The following SEMA3A variants were observed in gnomAD, a reference collection of about 807,000 sequenced individuals.
SEMA3A encodes semaphorin-3A.
Under a neutral mutation model 97.9 loss-of-function variants are expected in SEMA3A, and 29 were observed. That is an observed-to-expected ratio of 0.30 (90% CI 0.22 to 0.40). The LOEUF (loss-of-function observed/expected upper bound fraction) is 0.40, where lower values mean the gene tolerates loss of function less well. Among genes scored for constraint, SEMA3A ranks in the 10% least tolerant of loss-of-function variants. The pLI, the probability that SEMA3A is intolerant of heterozygous loss-of-function variation, is 1.00. For missense variants in SEMA3A, 763 were observed against 951.3 expected (o/e 0.80, Z 2.60); for synonymous variants, 321 against 323.7 (o/e 0.99, Z 0.09).
At chr7:84,175,589 G>A (rs2116219355) in intron 1 of SEMA3A, among the ~76,000 whole-genome samples, 1 of 152,276 alleles carries the variant, frequency 6.6e-6, no homozygotes, top group East Asian at 1.9e-4. Context: ...TCTAGGGTTG[G>A]AAAGGGGAAT....
chr7:84,297,597 T>C (rs1800903447), intron 3 of SEMA3A, among the ~76,000 whole-genome samples: 1 of 152,184 alleles, frequency 6.6e-6, no homozygotes, highest in Non-Finnish European at 1.5e-5. Context: ...CTTTGTGCAA[T>C]GATCTACAAG....
intron 3 of SEMA3A, among the ~76,000 whole-genome samples, chr7:84,217,605 G>T (rs915530834): frequency 6.6e-6 from 1 of 152,042 alleles, no homozygotes; most frequent in African/African-American, 2.4e-5. Flanking sequence ...GAATAGGAGG[G>T]CAGAAATAAG....
intron 2 of SEMA3A, among the ~76,000 whole-genome samples, chr7:84,313,356 G>GTGTGTGTA (rs1247157469): frequency 2.2e-4 from 5 of 23,048 alleles, no homozygotes; most frequent in African/African-American, 6.0e-4. Context: ...ATGTGTGTGT[G>GTGTGTGTA]TATATATATA....
At chr7:84,382,942 G>A (rs763769399) in intron 1 of SEMA3A, among the ~76,000 whole-genome samples, 3 of 151,820 alleles carry the variant, frequency 2.0e-5, no homozygotes, top group Non-Finnish European at 2.9e-5. Flanking sequence ...GCTAACTTGT[G>A]TTTAGAAAAT....
intron 6 of SEMA3A, among the ~76,000 whole-genome samples, chr7:84,030,312 T>A (rs1791695340): frequency 6.6e-6 from 1 of 152,202 alleles, no homozygotes; most frequent in African/African-American, 2.4e-5. Flanking sequence ...TGGTATTTCC[T>A]AACCTACCTC....
At chr7:84,477,116 T>C (rs1007180766) in intron 1 of SEMA3A, among the ~76,000 whole-genome samples, 1 of 149,094 alleles carries the variant, frequency 6.7e-6, no homozygotes, top group African/African-American at 2.4e-5. Context: ...ATCCTTTATA[T>C]GTTTACATCA....
intron 2 of SEMA3A, among the ~76,000 whole-genome samples, chr7:84,310,388 C>A (rs1045069619): frequency 2.6e-5 from 4 of 151,498 alleles, no homozygotes; most frequent in African/African-American, 4.8e-5. Context: ...TTTATTCACA[C>A]CATATAATTT....
At chr7:84,425,087 T>C (rs1467850768) in intron 1 of SEMA3A, among the ~76,000 whole-genome samples, 3 of 108,060 alleles carry the variant, frequency 2.8e-5, no homozygotes, top group African/African-American at 7.6e-5. Context: ...TTTATATTTA[T>C]ATTTTTATAT....
chr7:84,410,305 GTGCAGTTTT>G (rs1412206532), intron 1 of SEMA3A, among the ~76,000 whole-genome samples: 1 of 151,902 alleles, frequency 6.6e-6, no homozygotes, highest in Non-Finnish European at 1.5e-5. Flanking sequence ...TGAGAATTGA[GTGCAGTTTT>G]TCATCAGGGG....
intron 1 of SEMA3A, among the ~76,000 whole-genome samples, chr7:84,172,178 T>C (rs17158695): frequency 0.015 from 2,337 of 152,296 alleles, 62 homozygotes; most frequent in African/African-American, 0.053. Flanking sequence ...CATTTTCAAG[T>C]GTCATTTAGT....
At chr7:84,059,499 T>C (rs945294269) in intron 5 of SEMA3A, among the ~76,000 whole-genome samples, 1 of 152,060 alleles carries the variant, frequency 6.6e-6, no homozygotes, top group Non-Finnish European at 1.5e-5. Context: ...AAGAGAAACA[T>C]GGAAAACTTT....
At chr7:84,085,460 T>A (rs932544401) in intron 4 of SEMA3A, among the ~76,000 whole-genome samples, 1 of 151,420 alleles carries the variant, frequency 6.6e-6, no homozygotes, top group Non-Finnish European at 1.5e-5. Context: ...CATATGGAAG[T>A]GAAAAACTGT....
chr7:84,443,520 C>CA (rs754852043), intron 1 of SEMA3A, among the ~76,000 whole-genome samples: 1 of 151,970 alleles, frequency 6.6e-6, no homozygotes, highest in African/African-American at 2.4e-5. Context: ...GAGTAGGAAA[C>CA]AAAAAGTGTC....
intron 1 of SEMA3A, among the ~76,000 whole-genome samples, chr7:84,461,885 G>A (rs1187121466): frequency 6.6e-6 from 1 of 151,982 alleles, no homozygotes; most frequent in Non-Finnish European, 1.5e-5. Context: ...TACAATTTAT[G>A]TTAACCATCT....
intron 2 of SEMA3A, among the ~76,000 whole-genome samples, chr7:84,321,736 C>A (rs540111800): frequency 1.3e-5 from 2 of 151,612 alleles, no homozygotes; most frequent in East Asian, 3.9e-4. Flanking sequence ...ATTAGCCGGG[C>A]GTGGTGGCGC....
At chr7:83,977,054 G>A (rs1789178231) in intron 15 of SEMA3A, 78 bp downstream of exon 15, 1 of 717,090 alleles carries the variant, frequency 1.4e-6, no homozygotes. Flanking sequence ...TGCATACATT[G>A]CATGCATATG....
intron 2 of SEMA3A, among the ~76,000 whole-genome samples, chr7:84,133,713 T>C (rs914549810): frequency 2.6e-5 from 4 of 151,872 alleles, no homozygotes; most frequent in Admixed American, 2.6e-4. Context: ...AGTAGCACAA[T>C]TTTCACTAAT....
chr7:84,203,527 T>TATATATA (rs1554345528), intron 3 of SEMA3A, among the ~76,000 whole-genome samples: 3 of 29,652 alleles, frequency 1.0e-4, no homozygotes, highest in East Asian at 9.3e-4. Context: ...TATATATATA[T>TATATATA]TTTTTTTTTT....
At chr7:84,143,550 A>G (rs547293744) in intron 1 of SEMA3A, among the ~76,000 whole-genome samples, 1 of 93,520 alleles carries the variant, frequency 1.1e-5, no homozygotes, top group East Asian at 3.1e-4. Flanking sequence ...TTATTGGAAC[A>G]TGTCCATAAA....
Sources: gnomAD v4.1 joint callset for allele counts (sites outside exome capture counted in the v4.1 genomes callset) on GRCh38, gnomAD v4.1.1 for gene constraint, MANE v1.5 for transcripts, NCBI Gene and HGNC (gene_info 2026-07-23, HGNC 2026-07-21) for gene names.